Variants in KDM1B observed in about 807,000 individuals in gnomAD.
KDM1B encodes the protein lysine-specific histone demethylase 2.
In KDM1B, 63 loss-of-function variants were observed where a neutral mutation model predicts 107.4. The ratio of observed to expected loss-of-function variants is 0.59; its 90% CI spans 0.48 to 0.72. KDM1B has a LOEUF of 0.72. KDM1B is among the 30% of genes least tolerant of loss of function. The pLI is 0.00. For missense variants in KDM1B, 749 were observed against 1,020.8 expected, an observed-to-expected ratio of 0.73 and a Z score of 3.63; for synonymous variants, 363 against 363.9, an observed-to-expected ratio of 1.00 and a Z score of 0.03.
intron 7 of KDM1B, among the ~76,000 whole-genome samples, chr6:18,177,498 G>T (rs747397208): frequency 6.7e-6 from 1 of 150,366 alleles, no homozygotes. Flanking sequence ...CTTCTGCTGG[G>T]CTTGGGTTTG....
In KDM1B at chr6:18,161,752, G is replaced by A. The variant is rs75186717; in HGVS notation, c.215+298G>A. On this transcript the variant is annotated intron_variant, in intron 4 of 21. Transcript: ENST00000650836. Reference sequence around the variant, plus strand: ...GGTTGAGGGTGGGATGGTGTATGTCGTGGTGAGACAGTAGAGAGAACTCAT... The same window carrying A: ...GGTTGAGGGTGGGATGGTGTATGTCATGGTGAGACAGTAGAGAGAACTCAT... 1.3e-3 allele frequency among the ~76,000 whole-genome samples: 193 copies of A among 152,144 alleles called. 2 individuals are homozygous for A. Among genetic ancestry groups the A allele is most frequent in the African/African-American group, 4.4e-3 (183 of 41,496 alleles).
At chr6:18,199,797 C>A (rs1787915675) in intron 12 of KDM1B, among the ~76,000 whole-genome samples, 1 of 151,500 alleles carries the variant, frequency 6.6e-6, no homozygotes, top group African/African-American at 2.4e-5. Context: ...TAGGAAAAAT[C>A]ACCTAAAGAA....
intron 9 of KDM1B, among the ~76,000 whole-genome samples, chr6:18,189,132 G>A (rs1787102183): frequency 6.6e-6 from 1 of 152,032 alleles, no homozygotes; most frequent in Admixed American, 6.6e-5. Flanking sequence ...TAGAATTCTT[G>A]GTGTAAGAAG....
intron 2 of KDM1B, among the ~76,000 whole-genome samples, chr6:18,158,881 A>G (rs922196633): frequency 2.6e-5 from 4 of 152,220 alleles, no homozygotes; most frequent in Non-Finnish European, 4.4e-5. Flanking sequence ...CAGTGCTTCT[A>G]TCTAATTTAG....
chr6:18,184,211 G>GT (rs199888223), intron 7 of KDM1B, among the ~76,000 whole-genome samples: 2,349 of 145,482 alleles, frequency 0.016, 36 homozygotes, highest in Non-Finnish European at 0.024. Flanking sequence ...GTTTTGTTTT[G>GT]TTTTTTTGCT....
chr6:18,157,805 G>A (rs1323861559), intron 2 of KDM1B, among the ~76,000 whole-genome samples: 1 of 119,434 alleles, frequency 8.4e-6, no homozygotes, highest in African/African-American at 3.0e-5. Flanking sequence ...TAGGTAGATA[G>A]TCCTTTTTTT....
At chr6:18,176,851 G>A (rs953863502) in intron 7 of KDM1B, among the ~76,000 whole-genome samples, 1 of 152,136 alleles carries the variant, frequency 6.6e-6, no homozygotes, top group African/African-American at 2.4e-5. Context: ...GTTGGATTCA[G>A]TTAGCTAGTA....
In KDM1B at chr6:18,157,808, CTTTTT is replaced by C. The variant is rs67631382; in HGVS notation, c.-14+1900_-14+1904del. Among the ~76,000 whole-genome samples the C allele has an allele frequency of 8.2e-3, 943 of 115,546 alleles. 13 individuals carry two copies. The highest frequency in any genetic ancestry group is 0.032 in the African/African-American group (901 of 28,102). The allele number at this position is 115,546 out of a possible 152,430, so 75.8% of individuals were successfully genotyped here. ...GTATAACAATTATAGGTAGATAGTCCTTTTTTTTTTTTTTTTTTTTTTGAGATGGA... is the reference window on the plus strand; with the variant it reads ...GTATAACAATTATAGGTAGATAGTCCTTTTTTTTTTTTTTTTTGAGATGGA... On this transcript the variant is annotated intron_variant, in intron 2 of 21. Transcript: ENST00000650836.
chr6:18,210,179 A>T (rs1053121341), intron 17 of KDM1B, among the ~76,000 whole-genome samples: 1 of 152,272 alleles, frequency 6.6e-6, no homozygotes, highest in African/African-American at 2.4e-5. Context: ...TTGTAAGAGA[A>T]TAATTTTCAA....
chr6:18,181,889 C>G (rs1786507811), intron 7 of KDM1B, among the ~76,000 whole-genome samples: 2 of 152,220 alleles, frequency 1.3e-5, no homozygotes, highest in South Asian at 2.1e-4. Flanking sequence ...CTTTTCTTCT[C>G]TCCCAGTTTT....
Position 18,162,964 on chromosome 6 carries a change from G to A in KDM1B, c.305+40G>A. 7.9e-7 allele frequency: 1 copy of A among 1,259,882 alleles called. No homozygotes were observed. The allele number at this position is 1,259,882 out of a possible 1,614,324, so 78.0% of individuals were successfully genotyped here. A position where few individuals can be genotyped will look rare whatever the true frequency, so the allele number is the denominator to read the frequency against. On this transcript the variant is annotated intron_variant, in intron 5 of 21. Coordinates refer to ENST00000650836, the MANE Select transcript of KDM1B (RefSeq NM_001364614.2). This position sits in a 1 kb window ranked among gnomAD's most constrained non-coding sequence, Gnocchi z 4.1. ...TGTGTGAGGTTTCCCTGGAGAAGGG[G>A]ACCGTGGCAGGGGCAGTGCGTGTGG...
At position 18,199,618 on chromosome 6, in the gene KDM1B, T is replaced by C. The variant is rs527537557; in HGVS notation, c.1222-821T>C. ...TCTCATGCCACCAGCATTAGAAATT[T>C]GGGGGCAATAAAATAGCCTGGGTAT... On this transcript the variant is annotated intron_variant, in intron 12 of 21. Transcript: ENST00000650836. Among the ~76,000 whole-genome samples, 6 of 152,078 alleles carry C rather than the reference T, an allele frequency of 3.9e-5. No individual in the cohort carries two copies. The South Asian group carries it at 1.2e-3, about 32-fold the overall frequency.
intron 8 of KDM1B, among the ~76,000 whole-genome samples, chr6:18,187,478 A>G (rs905150138): frequency 1.3e-5 from 2 of 152,090 alleles, no homozygotes; most frequent in Non-Finnish European, 2.9e-5. Flanking sequence ...TAGGCTTGCG[A>G]TCTAGTAAAT....
rs928595932 is a variant in KDM1B, at chr6:18,169,893, C to T, written c.418-1470C>T. Among the ~76,000 whole-genome samples, 7 of 151,972 alleles carry T rather than the reference C, an allele frequency of 4.6e-5. No individual in the cohort carries two copies. In the South Asian group the frequency reaches 1.5e-3, roughly 32 times the overall value. On this transcript the variant is annotated intron_variant, in intron 6 of 21. Transcript: ENST00000650836. The stretch of plus-strand genomic sequence containing the variant: ...TAAAAAATAAACTTTATTTTGGAAT[C>T]ATCTTTTTAAAATTATTTATTTATT...
At chr6:18,221,648 T>G (rs1038442766) in intron 21 of KDM1B, among the ~76,000 whole-genome samples, 1 of 152,218 alleles carries the variant, frequency 6.6e-6, no homozygotes, top group Non-Finnish European at 1.5e-5. Flanking sequence ...TAATTGTTCT[T>G]AACTCTAGTA....
chr6:18,184,104 G>T (rs1007764433), intron 7 of KDM1B, among the ~76,000 whole-genome samples: 1 of 151,908 alleles, frequency 6.6e-6, no homozygotes, highest in Non-Finnish European at 1.5e-5. Flanking sequence ...ACACACACCA[G>T]CCCCTTAGAA....
At chr6:18,217,687 C>T in intron 20 of KDM1B, 46 bp from the exon 21 acceptor site, 1 of 1,566,156 alleles carries the variant, frequency 6.4e-7, no homozygotes, top group Non-Finnish European at 8.8e-7. Flanking sequence ...CTGCCATCTA[C>T]ATCCCTTCTT....
rs190043784 is a variant in KDM1B, at chr6:18,179,695, C to T, written c.535-6077C>T. On this transcript the variant is annotated intron_variant, in intron 7 of 21. Transcript: ENST00000650836. ...TACTGTTCCCTTGTTCTCCTTTTAA[C>T]GTTGGTGGGCTTTGTCTCGGTATCC... Among the ~76,000 whole-genome samples the T allele has an allele frequency of 3.8e-3, 578 of 151,294 alleles. 3 individuals carry two copies. The highest frequency in any genetic ancestry group is 0.013 in the African/African-American group (552 of 41,212).
At chr6:18,157,172 T>G (rs1422186466) in intron 2 of KDM1B, among the ~76,000 whole-genome samples, 4 of 152,138 alleles carry the variant, frequency 2.6e-5, no homozygotes, top group South Asian at 4.1e-4. Context: ...AGGAAGACAT[T>G]TTAGTATACT....
Sources: gnomAD v4.1 joint callset for allele counts (sites outside exome capture counted in the v4.1 genomes callset) on GRCh38, gnomAD v4.1.1 for gene constraint, Gnocchi (gnomAD v3.1) non-coding constraint, MANE v1.5 for transcripts, NCBI Gene and HGNC (gene_info 2026-07-23, HGNC 2026-07-21) for gene names.